Variants in ANKS1B observed in about 807,000 individuals in gnomAD.
ANKS1B encodes the protein ankyrin repeat and sterile alpha motif domain containing 1B, also known as ankyrin repeat and sterile alpha motif domain-containing protein 1B.
Under a neutral mutation model 148.3 loss-of-function variants are expected in ANKS1B, and 36 were observed. The ratio of observed to expected loss-of-function variants is 0.24; its 90% confidence interval spans 0.19 to 0.32. The LOEUF (loss-of-function observed/expected upper bound fraction) is 0.32. ANKS1B is among the 10% of genes least tolerant of loss of function. ANKS1B has a pLI of 1.00. For missense variants in ANKS1B, 1,157 were observed against 1,542.6 expected, an observed-to-expected ratio of 0.75 and a Z score of 4.19; for synonymous variants, 542 against 560.8, an observed-to-expected ratio of 0.97 and a Z score of 0.47.
chr12:98,772,989 T>C, intron 25 of ANKS1B, 53 bp downstream of exon 25: 1 of 1,607,786 alleles, frequency 6.2e-7, no homozygotes, highest in Non-Finnish European at 8.5e-7. Context: ...TTCAATACAG[T>C]CCAGGCCCAT....
At chr12:99,590,886 A>C (rs2097696131) in intron 9 of ANKS1B, among the ~76,000 whole-genome samples, 1 of 152,180 alleles carries the variant, frequency 6.6e-6, no homozygotes, top group African/African-American at 2.4e-5. Flanking sequence ...CTGACTTCTC[A>C]GAGATCACCC....
chr12:99,132,788 C>T (rs2066548788), intron 15 of ANKS1B, among the ~76,000 whole-genome samples: 1 of 152,076 alleles, frequency 6.6e-6, no homozygotes, highest in Non-Finnish European at 1.5e-5. Context: ...TATCAATATC[C>T]ACCTCAAAAA....
Position 98,801,171 on chromosome 12 carries a change from G to A in ANKS1B, c.3142-46C>T. 6.2e-7 allele frequency: 1 copy of A among 1,601,388 alleles called. No homozygotes were observed. The highest frequency in any genetic ancestry group is 8.5e-7 in the Non-Finnish European group (1 of 1,173,008). The stretch of plus-strand genomic sequence containing the variant: ...AGAGGCAATATGAGCAGTCAGCAAA[G>A]TTCATTCCCTGTAGCTACCCTGAGC... On this transcript the variant is annotated intron_variant, in intron 20 of 26. Transcript: ENST00000683438. The surrounding 1 kb of genome is among the most constrained non-coding windows in gnomAD (Gnocchi z 5.2).
intron 8 of ANKS1B, among the ~76,000 whole-genome samples, chr12:99,679,397 C>A (rs2098600968): frequency 1.3e-5 from 2 of 152,124 alleles, no homozygotes; most frequent in South Asian, 4.1e-4. Context: ...CAACCTCCAC[C>A]CCCAGGCTCA....
intron 10 of ANKS1B, among the ~76,000 whole-genome samples, chr12:99,489,869 A>G (rs1461935342): frequency 6.6e-6 from 1 of 152,238 alleles, no homozygotes; most frequent in Non-Finnish European, 1.5e-5. Flanking sequence ...GGTTCTATGG[A>G]AATGAAAAGC....
Position 99,133,232 on chromosome 12 carries a change from T to C in ANKS1B, c.2526+21057A>G, listed in dbSNP as rs527512903. Among the ~76,000 whole-genome samples the C allele has an allele frequency of 3.3e-5, 5 of 151,988 alleles. No homozygotes were observed. The South Asian group carries it at 1.0e-3, about 32-fold the overall frequency. ...ACGCCCAGCTATTTTTTTGTATTTTTAGTAGAGACAGGGTTTCACCATGTT... is the reference window on the plus strand; with the variant it reads ...ACGCCCAGCTATTTTTTTGTATTTTCAGTAGAGACAGGGTTTCACCATGTT... On this transcript the variant is annotated intron_variant, in intron 15 of 26. Transcript: ENST00000683438.
At position 99,067,740 on chromosome 12, in the gene ANKS1B, T is replaced by C. The variant is rs572727745; in HGVS notation, c.2626-14431A>G. Reference sequence around the variant, plus strand: ...CTGGTTGGAGTTCCTGAAAACCCCTTTTATATTTATAGTTAAGGGATAATC... The same window carrying C: ...CTGGTTGGAGTTCCTGAAAACCCCTCTTATATTTATAGTTAAGGGATAATC... On this transcript the variant is annotated intron_variant, in intron 16 of 26. Transcript: ENST00000683438. 1.8e-4 allele frequency among the ~76,000 whole-genome samples: 27 copies of C among 152,296 alleles called. 1 individual carries two copies. The highest frequency in any genetic ancestry group is 6.3e-4 in the African/African-American group (26 of 41,554).
chr12:99,053,246 C>G lies in ANKS1B; in HGVS notation c.2689G>C (p.Glu897Gln), dbSNP rs759840301. ...AAGGCTTTGGTGTAGTCGCCCAGTTCAATGGAATCCAGCCACTCAGCTACA... is the reference window on the plus strand; with the variant it reads ...AAGGCTTTGGTGTAGTCGCCCAGTTGAATGGAATCCAGCCACTCAGCTACA... ...TSVAEWLDSI[E>Q]LGDYTKAFLI... Residue 897 changes from glutamate to glutamine, a missense_variant, in exon 17 of 27, where the codon GAA becomes CAA. Glu to Gln is a conservative substitution (Grantham distance 29). Around this residue, in one of 6 missense-constraint regions of ANKS1B, gnomAD observed 258 missense variants for 497.0 expected, o/e 0.52. Transcript: ENST00000683438. The G allele has an allele frequency of 1.3e-5, 21 of 1,611,410 alleles. No homozygotes were observed. Among genetic ancestry groups the G allele is most frequent in the Non-Finnish European group, 1.8e-5 (21 of 1,178,828 alleles).
intron 10 of ANKS1B, among the ~76,000 whole-genome samples, chr12:99,478,004 C>T (rs920746993): frequency 6.6e-6 from 1 of 152,116 alleles, no homozygotes; most frequent in Non-Finnish European, 1.5e-5. Context: ...AATCACAATA[C>T]ATAATGTTTT....
chr12:99,874,566 C>G (rs1360461267), intron 1 of ANKS1B, among the ~76,000 whole-genome samples: 2 of 152,152 alleles, frequency 1.3e-5, no homozygotes, highest in African/African-American at 4.8e-5. Context: ...CTTTATCAAA[C>G]TAAAAGAGGC....
intron 9 of ANKS1B, among the ~76,000 whole-genome samples, chr12:99,610,200 CTG>C (rs1388627566): frequency 3.2e-4 from 48 of 152,118 alleles, no homozygotes; most frequent in Non-Finnish European, 1.0e-4. Flanking sequence ...AAGAGGAAAA[CTG>C]TCCATTTTTA....
intron 4 of ANKS1B, among the ~76,000 whole-genome samples, chr12:99,798,377 C>T (rs1322146679): frequency 6.7e-6 from 1 of 150,162 alleles, no homozygotes; most frequent in Non-Finnish European, 1.5e-5. Flanking sequence ...AATAAAATTC[C>T]CTAGTACCCT....
At chr12:99,400,590 G>A (rs1371684694) in intron 11 of ANKS1B, among the ~76,000 whole-genome samples, 1 of 144,506 alleles carries the variant, frequency 6.9e-6, no homozygotes, top group Non-Finnish European at 1.5e-5. Context: ...GCCTAGCAGA[G>A]CTTCTAACAT....
At chr12:98,792,045 A>G (rs1029395572) in intron 22 of ANKS1B, among the ~76,000 whole-genome samples, 2 of 152,230 alleles carry the variant, frequency 1.3e-5, no homozygotes, top group Non-Finnish European at 2.9e-5. Flanking sequence ...GGAAATTTGT[A>G]TATTTGAAAA....
At chr12:98,986,247 T>A (rs1339613155) in intron 17 of ANKS1B, among the ~76,000 whole-genome samples, 1 of 152,138 alleles carries the variant, frequency 6.6e-6, no homozygotes, top group Non-Finnish European at 1.5e-5. Flanking sequence ...TGGTCTGTTA[T>A]CTTTATTAAT....
intron 18 of ANKS1B, chr12:98,830,926 T>A (rs558377415): frequency 7.4e-5 from 11 of 147,678 alleles, no homozygotes; most frequent in African/African-American, 2.7e-4. Flanking sequence ...TTCTCTTTAG[T>A]TTCCTACCTC....
chr12:99,946,934 T>C (rs2095078525), intron 1 of ANKS1B, among the ~76,000 whole-genome samples: 1 of 152,002 alleles, frequency 6.6e-6, no homozygotes, highest in African/African-American at 2.4e-5. Flanking sequence ...AAATGACAAA[T>C]GATTATGTTT....
rs143885867 is a variant in ANKS1B, at chr12:99,517,403, T to C, written c.1273-12762A>G. Among the ~76,000 whole-genome samples the C allele has an allele frequency of 2.7e-3, 407 of 152,120 alleles. 2 individuals are homozygous for C. The highest frequency in any genetic ancestry group is 9.4e-3 in the African/African-American group (390 of 41,514). ...ATTTATCAATTCTCATTCTTTTTGG[T>C]GGAGTCTTTAGGTTTTTCCAAATAT... On this transcript the variant is annotated intron_variant, in intron 9 of 26. Transcript: ENST00000683438.
intron 8 of ANKS1B, among the ~76,000 whole-genome samples, chr12:99,669,564 G>A (rs2098526599): frequency 6.6e-6 from 1 of 152,156 alleles, no homozygotes; most frequent in South Asian, 2.1e-4. Flanking sequence ...CTCTACTTGG[G>A]CTGGTAGTTA....
Sources: gnomAD v4.1 joint callset for allele counts (sites outside exome capture counted in the v4.1 genomes callset) on GRCh38, gnomAD v4.1.1 for gene constraint, gnomAD v4.1.1 regional missense constraint, Gnocchi (gnomAD v3.1) non-coding constraint, MANE v1.5 for transcripts, NCBI Gene and HGNC (gene_info 2026-07-23, HGNC 2026-07-21) for gene names.